GALNTL6: variants seen among roughly 807,000 people sequenced by gnomAD.
GALNTL6 encodes the protein polypeptide N-acetylgalactosaminyltransferase like 6.
Under a neutral mutation model 73.7 loss-of-function variants are expected in GALNTL6, and 46 were observed. The ratio of observed to expected loss-of-function variants is 0.62; its 90% CI spans 0.49 to 0.80. GALNTL6 has a LOEUF of 0.80. Among genes scored for constraint, GALNTL6 ranks in the 30% least tolerant of loss-of-function variants. The pLI, the probability that GALNTL6 is intolerant of heterozygous loss-of-function variation, is 0.00. For missense variants in GALNTL6, 604 were observed against 755.0 expected (o/e 0.80, Z 2.34); for synonymous variants, 259 against 263.7 (o/e 0.98, Z 0.17).
At chr4:172,389,294 A>T (rs918557802) in intron 5 of GALNTL6, among the ~76,000 whole-genome samples, 52 of 152,172 alleles carry the variant, frequency 3.4e-4, no homozygotes, top group African/African-American at 1.1e-3. Context: ...TAACAGCAGA[A>T]AAAAAGAGAA....
chr4:172,634,763 A>G (rs1294506021), intron 5 of GALNTL6, among the ~76,000 whole-genome samples: 1 of 152,226 alleles, frequency 6.6e-6, no homozygotes, highest in Non-Finnish European at 1.5e-5. Flanking sequence ...TAGATGAGGA[A>G]ATGTGGACAA....
At chr4:172,396,025 A>G (rs1743837351) in intron 5 of GALNTL6, among the ~76,000 whole-genome samples, 1 of 152,176 alleles carries the variant, frequency 6.6e-6, no homozygotes, top group Non-Finnish European at 1.5e-5. Flanking sequence ...CCCTGCCACC[A>G]TTCTATTATA....
intron 5 of GALNTL6, among the ~76,000 whole-genome samples, chr4:172,549,140 A>C (rs1241314185): frequency 6.6e-6 from 1 of 152,180 alleles, no homozygotes; most frequent in African/African-American, 2.4e-5. Flanking sequence ...CATGGTGCCA[A>C]AATGTTTCTT....
intron 2 of GALNTL6, among the ~76,000 whole-genome samples, chr4:172,126,707 C>T (rs930151561): frequency 1.3e-5 from 2 of 152,164 alleles, no homozygotes; most frequent in African/African-American, 4.8e-5. Flanking sequence ...AAAGGCATTG[C>T]TCAAGAGAGG....
chr4:172,996,357 A>G (rs1751780555), intron 10 of GALNTL6, among the ~76,000 whole-genome samples: 1 of 151,910 alleles, frequency 6.6e-6, no homozygotes, highest in African/African-American at 2.4e-5. Flanking sequence ...ATGGATGCAT[A>G]GAGGGGAACA....
chr4:172,225,185 C>G (rs563216391), intron 2 of GALNTL6, among the ~76,000 whole-genome samples: 2 of 151,754 alleles, frequency 1.3e-5, no homozygotes, highest in African/African-American at 4.8e-5. Flanking sequence ...CCAAAAGAGA[C>G]GCAAATGGGT....
At chr4:172,068,964 T>G (rs1731431928) in intron 2 of GALNTL6, among the ~76,000 whole-genome samples, 1 of 109,362 alleles carries the variant, frequency 9.1e-6, no homozygotes, top group Non-Finnish European at 2.0e-5. Flanking sequence ...GCAGCACAAA[T>G]CAGGGACAAG....
At chr4:172,583,621 G>A (rs1289873280) in intron 5 of GALNTL6, among the ~76,000 whole-genome samples, 2 of 152,134 alleles carry the variant, frequency 1.3e-5, no homozygotes, top group African/African-American at 2.4e-5. Context: ...ATCGGATGCG[G>A]CTGGGCGAGG....
chr4:172,076,012 CTT>C (rs938731868), intron 2 of GALNTL6, among the ~76,000 whole-genome samples: 107 of 152,238 alleles, frequency 7.0e-4, no homozygotes, highest in African/African-American at 2.1e-3. Context: ...TGTTTGGTCT[CTT>C]TTGCAGAGAG....
intron 5 of GALNTL6, among the ~76,000 whole-genome samples, chr4:172,670,394 A>G (rs914577979): frequency 6.6e-6 from 1 of 151,982 alleles, no homozygotes; most frequent in African/African-American, 2.4e-5. Context: ...GCATTTCTCT[A>G]ATGATCAGTA....
At chr4:173,029,165 G>A (rs980058139) in intron 12 of GALNTL6, among the ~76,000 whole-genome samples, 1 of 152,200 alleles carries the variant, frequency 6.6e-6, no homozygotes, top group African/African-American at 2.4e-5. Flanking sequence ...TAAAAGTCAT[G>A]TAATTCAACT....
intron 2 of GALNTL6, among the ~76,000 whole-genome samples, chr4:171,983,778 G>A (rs111324811): frequency 9.2e-5 from 14 of 152,280 alleles, no homozygotes; most frequent in Admixed American, 2.0e-4. Context: ...ACCTACCCTG[G>A]ATAGCTTCTT....
At chr4:172,346,324 G>A (rs1023787654) in intron 4 of GALNTL6, among the ~76,000 whole-genome samples, 1 of 152,166 alleles carries the variant, frequency 6.6e-6, no homozygotes, top group African/African-American at 2.4e-5. Flanking sequence ...ATTCATTATC[G>A]TTGCTCTCAT....
intron 7 of GALNTL6, among the ~76,000 whole-genome samples, chr4:172,852,947 C>T (rs953337822): frequency 1.3e-5 from 2 of 152,112 alleles, no homozygotes; most frequent in African/African-American, 4.8e-5. Flanking sequence ...AAAAAATTAA[C>T]ACTTATTGAA....
At chr4:172,646,020 T>C (rs770731371) in intron 5 of GALNTL6, among the ~76,000 whole-genome samples, 6 of 152,040 alleles carry the variant, frequency 3.9e-5, no homozygotes, top group Non-Finnish European at 7.4e-5. Flanking sequence ...GCTTTTCTAC[T>C]TCTGCTGTTT....
At chr4:172,834,542 A>C (rs1368655879) in intron 7 of GALNTL6, among the ~76,000 whole-genome samples, 1 of 152,244 alleles carries the variant, frequency 6.6e-6, no homozygotes, top group Non-Finnish European at 1.5e-5. Flanking sequence ...ACTGCCTGCC[A>C]AGGAAAGAAG....
intron 2 of GALNTL6, among the ~76,000 whole-genome samples, chr4:172,114,934 C>G (rs1363138556): frequency 1.3e-5 from 2 of 151,930 alleles, no homozygotes; most frequent in African/African-American, 4.8e-5. Flanking sequence ...TGGCTCAATC[C>G]CACTCCCAAA....
At chr4:172,097,985 C>A (rs1374142145) in intron 2 of GALNTL6, among the ~76,000 whole-genome samples, 1 of 151,830 alleles carries the variant, frequency 6.6e-6, no homozygotes, top group Non-Finnish European at 1.5e-5. Flanking sequence ...TTCATAGGAG[C>A]ACACTTTTGC....
At chr4:172,412,195 C>A (rs1744468246) in intron 5 of GALNTL6, among the ~76,000 whole-genome samples, 1 of 152,058 alleles carries the variant, frequency 6.6e-6, no homozygotes, top group Non-Finnish European at 1.5e-5. Flanking sequence ...AGATTCATGG[C>A]ATCACTCTTG....
Sources: gnomAD v4.1 joint callset for allele counts (sites outside exome capture counted in the v4.1 genomes callset) on GRCh38, gnomAD v4.1.1 for gene constraint, MANE v1.5 for transcripts, NCBI Gene and HGNC (gene_info 2026-07-23, HGNC 2026-07-21) for gene names.